SGCZ: variants seen among roughly 807,000 people sequenced by gnomAD.
SGCZ encodes the protein zeta-sarcoglycan.
A neutral mutation model predicts 41.3 loss-of-function variants in SGCZ; 40 were observed. The observed-to-expected ratio is 0.97, with a 90% CI of 0.75 to 1.26. The LOEUF (loss-of-function observed/expected upper bound fraction) is 1.26. Ranked by LOEUF, SGCZ falls within the 50% of genes most tolerant of loss-of-function variation. The pLI, the probability that SGCZ is intolerant of heterozygous loss-of-function variation, is 0.00. For missense variants in SGCZ, 552 were observed against 369.8 expected, an observed-to-expected ratio of 1.49 and a Z score of -4.04; for synonymous variants, 206 against 137.5, an observed-to-expected ratio of 1.50 and a Z score of -3.49.
chr8:14,773,419 T>A (rs1800308584), intron 1 of SGCZ, among the ~76,000 whole-genome samples: 1 of 152,154 alleles, frequency 6.6e-6, no homozygotes, highest in Non-Finnish European at 1.5e-5. Flanking sequence ...AGTGCCTTTG[T>A]TCCTGGTCGT....
At chr8:14,291,880 CA>C (rs1445297681) in intron 3 of SGCZ, among the ~76,000 whole-genome samples, 4 of 151,942 alleles carry the variant, frequency 2.6e-5, no homozygotes, top group Non-Finnish European at 4.4e-5. Context: ...TTACCAAAAA[CA>C]GAAATTTTAC....
chr8:14,497,602 G>A (rs1802028814), intron 2 of SGCZ, among the ~76,000 whole-genome samples: 1 of 152,138 alleles, frequency 6.6e-6, no homozygotes, highest in East Asian at 1.9e-4. Context: ...GTGAGAGAGA[G>A]AGAGAGCTCA....
intron 1 of SGCZ, among the ~76,000 whole-genome samples, chr8:15,103,357 C>A (rs568944294): frequency 6.6e-6 from 1 of 151,668 alleles, no homozygotes; most frequent in African/African-American, 2.4e-5. Flanking sequence ...GCAGAGATGG[C>A]GCCACTGCAT....
chr8:15,078,098 G>A (rs1179967216), intron 1 of SGCZ, among the ~76,000 whole-genome samples: 1 of 150,468 alleles, frequency 6.6e-6, no homozygotes, highest in South Asian at 2.1e-4. Flanking sequence ...GGTTGTGTGT[G>A]GTGGCCTGAT....
At chr8:14,560,581 G>A (rs879658539) in intron 1 of SGCZ, among the ~76,000 whole-genome samples, 1 of 151,954 alleles carries the variant, frequency 6.6e-6, no homozygotes, top group Non-Finnish European at 1.5e-5. Context: ...TCAGATCATC[G>A]AATCCCCTTT....
chr8:14,992,424 T>C (rs932417959), intron 1 of SGCZ, among the ~76,000 whole-genome samples: 15 of 146,212 alleles, frequency 1.0e-4, no homozygotes, highest in Admixed American at 9.4e-4. Flanking sequence ...AAAACTAATG[T>C]TGGCATTGAT....
At chr8:14,119,475 G>A (rs964601323) in intron 5 of SGCZ, among the ~76,000 whole-genome samples, 4 of 152,056 alleles carry the variant, frequency 2.6e-5, no homozygotes, top group African/African-American at 9.7e-5. Flanking sequence ...AGACAGTGGG[G>A]TTTTCTAAAT....
intron 2 of SGCZ, among the ~76,000 whole-genome samples, chr8:14,464,745 T>G (rs1285850971): frequency 6.6e-6 from 1 of 151,618 alleles, no homozygotes; most frequent in Non-Finnish European, 1.5e-5. Flanking sequence ...ATACGCCATG[T>G]AACACTGATT....
intron 1 of SGCZ, among the ~76,000 whole-genome samples, chr8:14,663,835 T>C (rs1371801871): frequency 6.6e-6 from 1 of 152,262 alleles, no homozygotes; most frequent in African/African-American, 2.4e-5. Context: ...TTTAATCTAG[T>C]CACATATCAT....
chr8:14,900,419 AG>A (rs1455333941), intron 1 of SGCZ, among the ~76,000 whole-genome samples: 1 of 152,128 alleles, frequency 6.6e-6, no homozygotes, highest in Non-Finnish European at 1.5e-5. Flanking sequence ...TTGGGCAGGA[AG>A]TTTGGACCCA....
At chr8:14,565,728 C>T (rs758851186) in intron 1 of SGCZ, among the ~76,000 whole-genome samples, 1 of 151,756 alleles carries the variant, frequency 6.6e-6, no homozygotes, top group African/African-American at 2.4e-5. Flanking sequence ...GAAAACATAT[C>T]CAGAAAGAGG....
At chr8:14,750,543 A>G (rs560623160) in intron 1 of SGCZ, among the ~76,000 whole-genome samples, 2 of 152,256 alleles carry the variant, frequency 1.3e-5, no homozygotes, top group East Asian at 3.9e-4. Flanking sequence ...ATCAGGCATT[A>G]ATTTTCTTAC....
At chr8:14,636,680 G>A (rs556913294) in intron 1 of SGCZ, among the ~76,000 whole-genome samples, 1 of 151,882 alleles carries the variant, frequency 6.6e-6, no homozygotes, top group South Asian at 2.1e-4. Flanking sequence ...AGAAGCTCAG[G>A]AAGGAAGGCA....
chr8:15,060,451 T>C (rs1804881035), intron 1 of SGCZ, among the ~76,000 whole-genome samples: 1 of 132,548 alleles, frequency 7.5e-6, no homozygotes, highest in South Asian at 2.4e-4. Flanking sequence ...TTCTCACTCA[T>C]AGGTGGGAAT....
rs374708317 is a variant in SGCZ, at chr8:14,098,006, A to G, written c.744+4370T>C. On this transcript the variant is annotated intron_variant, in intron 7 of 7. Coordinates refer to ENST00000382080, the MANE Select transcript of SGCZ (RefSeq NM_139167.4). ...AGTGGTATTTTATAGCCATCTTCACACCTTACTTTCCCTGCTAAATACATC... is the reference window on the plus strand; with the variant it reads ...AGTGGTATTTTATAGCCATCTTCACGCCTTACTTTCCCTGCTAAATACATC... 4.6e-5 allele frequency among the ~76,000 whole-genome samples: 7 copies of G among 152,242 alleles called. No individual in the cohort carries two copies. In the South Asian group the frequency reaches 1.2e-3, roughly 27 times the overall value.
At chr8:14,627,613 C>T (rs1806505227) in intron 1 of SGCZ, among the ~76,000 whole-genome samples, 3 of 151,922 alleles carry the variant, frequency 2.0e-5, no homozygotes, top group Admixed American at 6.6e-5. Flanking sequence ...ATGGTTATTC[C>T]TAATTTTAGA....
At chr8:14,542,800 T>A (rs940659730) in intron 2 of SGCZ, among the ~76,000 whole-genome samples, 20 of 151,606 alleles carry the variant, frequency 1.3e-4, no homozygotes, top group Admixed American at 2.0e-4. Flanking sequence ...TTTCATATTT[T>A]AAAAAAAAAT....
chr8:14,257,218 T>C (rs1405609599), intron 3 of SGCZ, among the ~76,000 whole-genome samples: 4 of 151,936 alleles, frequency 2.6e-5, no homozygotes, highest in African/African-American at 7.3e-5. Context: ...TCTCACCTAC[T>C]TGGGAGGCTG....
At chr8:14,696,400 A>G (rs1205957250) in intron 1 of SGCZ, among the ~76,000 whole-genome samples, 1 of 152,138 alleles carries the variant, frequency 6.6e-6, no homozygotes, top group East Asian at 1.9e-4. Context: ...GCCCACTGAT[A>G]ACAAGCTGTT....
Sources: allele counts gnomAD v4.1 joint callset (sites outside exome capture counted in the v4.1 genomes callset), GRCh38; gene constraint gnomAD v4.1.1; transcripts MANE v1.5; gene names NCBI Gene and HGNC (gene_info 2026-07-23, HGNC 2026-07-21).